Variants in IARS2 observed in about 807,000 individuals in gnomAD.
IARS2 encodes isoleucine--tRNA ligase, mitochondrial.
In IARS2, 56 loss-of-function variants were observed where a neutral mutation model predicts 126.3. The ratio of observed to expected loss-of-function variants is 0.44; its 90% confidence interval spans 0.36 to 0.55. The LOEUF (loss-of-function observed/expected upper bound fraction) is 0.55, where lower values mean the gene tolerates loss of function less well. IARS2 is among the 20% of genes least tolerant of loss of function. IARS2 has a pLI of 0.00. For missense variants in IARS2, 1,127 were observed against 1,245.9 expected, an observed-to-expected ratio of 0.90 and a Z score of 1.44; for synonymous variants, 407 against 441.1, an observed-to-expected ratio of 0.92 and a Z score of 0.97.
chr1:220,125,889 A>C (rs1558127358), intron 13 of IARS2, among the ~76,000 whole-genome samples: 1 of 151,362 alleles, frequency 6.6e-6, no homozygotes, highest in Non-Finnish European at 1.5e-5. Context: ...GGCAGATCAC[A>C]AGGTCAGGAG....
Position 220,105,988 on chromosome 1 carries a change from G to A in IARS2, c.1164G>A (p.Thr388=), listed in dbSNP as rs143373097. The part of the protein sequence containing the change: ...PANHVTMAKG[T]GLVHTAPAHG... ...ATCATGTGACCATGGCAAAAGGAAC[G>A]GGATTGGTTCACACAGCCCCAGCTC... Residue 388 remains threonine, a synonymous_variant, in exon 9 of 23, where the codon ACG becomes ACA. Transcript: ENST00000366922. 842 of 1,614,100 alleles carry A rather than the reference G, an allele frequency of 5.2e-4. 2 individuals carry two copies. In the African/African-American group the frequency reaches 8.9e-3, roughly 17 times the overall value.
intron 14 of IARS2, among the ~76,000 whole-genome samples, chr1:220,129,906 T>C (rs1016674887): frequency 1.3e-5 from 2 of 152,182 alleles, no homozygotes; most frequent in Admixed American, 1.3e-4. Context: ...GTAGTTCTGT[T>C]TTTAGTTTTT....
In IARS2 at chr1:220,136,919, A is replaced by G. The variant is rs946899527; in HGVS notation, c.2049+8A>G. 3.3e-6 allele frequency: 5 copies of G among 1,520,910 alleles called. No individual in the cohort carries two copies. Among genetic ancestry groups the G allele is most frequent in the Non-Finnish European group, 4.5e-6 (5 of 1,099,908 alleles). 94.2% of individuals were successfully genotyped at this position (1,520,910 alleles called of 1,614,324 possible). A position where few individuals can be genotyped will look rare whatever the true frequency, so the allele number is the denominator to read the frequency against. ...GTCGTTAATGGAGGACAAGTAGGTG[A>G]TTCTCTAAAATGTATTTTATTTTCG... is the stretch of plus-strand genomic sequence containing the variant. On this transcript the variant is annotated splice_region_variant and intron_variant, in intron 16 of 22. Coordinates refer to ENST00000366922, the MANE Select transcript of IARS2 (RefSeq NM_018060.4).
Position 220,144,269 on chromosome 1 carries a change from T to TTTTGGAGCACGGC in IARS2, c.2751+1135_2751+1136insTTTGGAGCACGGC, listed in dbSNP as rs1055415311. 5.2e-6 allele frequency: 4 copies of TTTTGGAGCACGGC among 764,228 alleles called. No homozygotes were observed. The African/African-American group carries it at 6.8e-5, about 13-fold the overall frequency. The allele number at this position is 764,228 out of a possible 1,614,324, so 47.3% of individuals were successfully genotyped here. A position where few individuals can be genotyped will look rare whatever the true frequency, so the allele number is the denominator to read the frequency against. ...AGGATGATGACTTTGGAGCACGGCC[T>TTTTGGAGCACGGC]AATAAGCACCTGGCTTTTGCCTCTC... is the stretch of plus-strand genomic sequence containing the variant. On this transcript the variant is annotated intron_variant, in intron 21 of 22. Coordinates refer to ENST00000366922, the MANE Select transcript of IARS2 (RefSeq NM_018060.4).
rs1228510138 is a variant in IARS2 at position 220,126,824 on chromosome 1, A to G, written c.1818A>G (p.Ser606=). The change falls in exon 14 of 23, where the codon TCA becomes TCG. Residue 606 remains serine (S), a synonymous_variant. Transcript: ENST00000366922. ...ACATCTGGTTTGATAGCGGAACTTC[A>G]TGGTCTTATGTTCTTCCAGGTAATT... is the stretch of plus-strand genomic sequence containing the variant. ...ILDIWFDSGT[S]WSYVLPGPDQ... is the part of the protein sequence containing the mutation. 12 of 1,611,706 alleles carry G rather than the reference A, an allele frequency of 7.4e-6. No individual in the cohort carries two copies. The highest frequency in any genetic ancestry group is 1.0e-5 in the Non-Finnish European group (12 of 1,178,980).
chr1:220,097,595 C>T (rs1256492023), intron 2 of IARS2, among the ~76,000 whole-genome samples: 2 of 151,880 alleles, frequency 1.3e-5, no homozygotes, highest in East Asian at 2.0e-4. Flanking sequence ...GATCTCCTGA[C>T]CTCGTGATCT....
Position 220,094,477 on chromosome 1 carries a change from C to G in IARS2, c.261C>G (p.Ile87Met). 6.2e-7 allele frequency: 1 copy of G among 1,604,246 alleles called. No homozygotes were observed. Among genetic ancestry groups the G allele is most frequent in the Non-Finnish European group, 8.5e-7 (1 of 1,176,018 alleles). Reference protein sequence around the residue: ...GRQQPDTELEIQQKCGFSELY... With the variant: ...GRQQPDTELEMQQKCGFSELY... ...AGCAGCCGGACACGGAGCTGGAGAT[C>G]CAGCAGGTACGGGCCCCGCCTCGGC... The change falls in exon 1 of 23, where the codon ATC (isoleucine) becomes ATG (methionine). Residue 87 changes from isoleucine to methionine, a missense_variant. Physicochemically the swap from Ile to Met is conservative, Grantham distance 10. Coordinates refer to ENST00000366922, the MANE Select transcript of IARS2 (RefSeq NM_018060.4).
At chr1:220,097,648 C>T (rs1228327920) in intron 2 of IARS2, among the ~76,000 whole-genome samples, 1 of 152,080 alleles carries the variant, frequency 6.6e-6, no homozygotes, top group African/African-American at 2.4e-5. Context: ...CAGGCGTGAG[C>T]CACCACGTCT....
intron 14 of IARS2, among the ~76,000 whole-genome samples, chr1:220,131,206 T>G (rs1657259646): frequency 6.6e-6 from 1 of 152,148 alleles, no homozygotes; most frequent in Non-Finnish European, 1.5e-5. Flanking sequence ...AGACAGAGTC[T>G]CGCTGTGTCG....
At chr1:220,126,670 T>A (rs1322145087) in intron 13 of IARS2, 80 bp from the exon 14 acceptor site, 2 of 992,546 alleles carry the variant, frequency 2.0e-6, no homozygotes, top group Non-Finnish European at 1.5e-6. Context: ...TTTCATTTTC[T>A]GAAGACTTTT....
chr1:220,145,248 G>C (rs1657563876), intron 21 of IARS2, among the ~76,000 whole-genome samples: 1 of 152,130 alleles, frequency 6.6e-6, no homozygotes, highest in African/African-American at 2.4e-5. Context: ...GTGTATGTAT[G>C]TGACAATTAG....
At position 220,110,835 on chromosome 1, in the gene IARS2, G is replaced by C. The variant is rs1185322151; in HGVS notation, c.1377G>C (p.Leu459Phe). ...AGAATTTGTTGAAAGAGGAGAAATT[G>C]GTGCATAGCTATCCGTATGACTGGA... is the stretch of plus-strand genomic sequence containing the variant. ...TAKNLLKEEK[L>F]VHSYPYDWRT... The change falls in exon 11 of 23, where the codon TTG (leucine) becomes TTC (phenylalanine). Residue 459 changes from leucine (L) to phenylalanine (F), a missense_variant. Coordinates refer to ENST00000366922, the MANE Select transcript of IARS2 (RefSeq NM_018060.4). The C allele has an allele frequency of 3.7e-6, 6 of 1,612,116 alleles. No homozygotes were observed. The South Asian group carries it at 6.6e-5, about 18-fold the overall frequency.
intron 12 of IARS2, among the ~76,000 whole-genome samples, chr1:220,117,604 T>C (rs966695855): frequency 1.3e-5 from 2 of 152,030 alleles, no homozygotes; most frequent in Non-Finnish European, 2.9e-5. Flanking sequence ...GACTCTGAGG[T>C]GGATCATATG....
intron 3 of IARS2, among the ~76,000 whole-genome samples, chr1:220,100,969 G>A (rs1656558508): frequency 6.6e-6 from 1 of 152,004 alleles, no homozygotes; most frequent in Non-Finnish European, 1.5e-5. Context: ...ACTGATTTTA[G>A]GTGTTAAGCC....
chr1:220,145,727 G>A, intron 22 of IARS2, 74 bp downstream of exon 22: 1 of 1,270,010 alleles, frequency 7.9e-7, no homozygotes, highest in Non-Finnish European at 1.1e-6. Context: ...ACTTTCCAGT[G>A]GACTGGGTTT....
At chr1:220,144,643 A>G (rs1270217843) in intron 21 of IARS2, among the ~76,000 whole-genome samples, 1 of 152,184 alleles carries the variant, frequency 6.6e-6, no homozygotes. Flanking sequence ...CTTTTTTCCT[A>G]CATACTGTGT....
chr1:220,118,848 A>C (rs1656980789), intron 12 of IARS2, among the ~76,000 whole-genome samples: 1 of 152,134 alleles, frequency 6.6e-6, no homozygotes, highest in Non-Finnish European at 1.5e-5. Context: ...AATAAAGAAA[A>C]ATTTCTTCAA....
chr1:220,142,484 A>G (rs1286374880), intron 20 of IARS2, among the ~76,000 whole-genome samples: 1 of 152,232 alleles, frequency 6.6e-6, no homozygotes, highest in Non-Finnish European at 1.5e-5. Flanking sequence ...CCTGGGTGAC[A>G]GAGCAAGACT....
intron 18 of IARS2, among the ~76,000 whole-genome samples, chr1:220,139,817 G>A (rs1322906576): frequency 1.3e-5 from 2 of 152,046 alleles, no homozygotes; most frequent in Non-Finnish European, 2.9e-5. Context: ...TTAAGTCAGA[G>A]GTGTACATAC....
Sources: gnomAD v4.1 joint callset for allele counts (sites outside exome capture counted in the v4.1 genomes callset) on GRCh38, gnomAD v4.1.1 for gene constraint, MANE v1.5 for transcripts, NCBI Gene and HGNC (gene_info 2026-07-23, HGNC 2026-07-21) for gene names.